Variants in UNC5C observed in about 807,000 individuals in gnomAD.
UNC5C encodes the protein netrin receptor UNC5C.
Under a neutral mutation model 99.8 loss-of-function variants are expected in UNC5C, and 47 were observed. That is an observed-to-expected ratio of 0.47 (90% CI 0.37 to 0.60). The LOEUF is 0.60. Among genes scored for constraint, UNC5C ranks in the 20% least tolerant of loss-of-function variants. UNC5C has a pLI of 0.00. For missense variants in UNC5C, 1,062 were observed against 1,165.9 expected, an observed-to-expected ratio of 0.91 and a Z score of 1.30; for synonymous variants, 487 against 452.2, an observed-to-expected ratio of 1.08 and a Z score of -0.98.
intron 1 of UNC5C, among the ~76,000 whole-genome samples, chr4:95,411,243 C>T (rs1465292171): frequency 2.6e-5 from 4 of 152,040 alleles, no homozygotes; most frequent in African/African-American, 4.8e-5. Context: ...CTGCCTGAAA[C>T]GTCTTTATTA....
intron 1 of UNC5C, among the ~76,000 whole-genome samples, chr4:95,435,942 T>C (rs998867977): frequency 6.6e-6 from 1 of 152,104 alleles, no homozygotes; most frequent in African/African-American, 2.4e-5. Context: ...TGATTTTTAT[T>C]TCCAATTTTG....
intron 1 of UNC5C, among the ~76,000 whole-genome samples, chr4:95,346,885 T>C (rs1743791592): frequency 6.6e-6 from 1 of 152,062 alleles, no homozygotes; most frequent in Admixed American, 6.6e-5. Context: ...TCATCACTGT[T>C]AGTCAACATA....
intron 14 of UNC5C, among the ~76,000 whole-genome samples, chr4:95,175,099 G>T (rs1221972971): frequency 1.3e-5 from 2 of 152,044 alleles, no homozygotes; most frequent in African/African-American, 2.4e-5. Flanking sequence ...TTGCTTGGTA[G>T]GTCTTCCTCC....
intron 7 of UNC5C, among the ~76,000 whole-genome samples, chr4:95,234,872 A>G (rs1739053243): frequency 6.6e-6 from 1 of 152,188 alleles, no homozygotes; most frequent in Non-Finnish European, 1.5e-5. Flanking sequence ...ATTGTTTAAG[A>G]CCACGATTAT....
intron 7 of UNC5C, 96 bp from the exon 8 acceptor site, chr4:95,220,272 T>C: frequency 8.9e-7 from 1 of 1,128,780 alleles, no homozygotes; most frequent in Non-Finnish European, 1.2e-6. Context: ...TTTACTGCCT[T>C]TTTTATAGGT....
chr4:95,174,026 C>T (rs1736232899), intron 14 of UNC5C, among the ~76,000 whole-genome samples: 2 of 152,254 alleles, frequency 1.3e-5, no homozygotes, highest in South Asian at 4.2e-4. Context: ...AGTTTATTTG[C>T]ATAGAGGTGT....
intron 4 of UNC5C, among the ~76,000 whole-genome samples, chr4:95,255,873 G>C (rs1739960607): frequency 6.6e-6 from 1 of 151,920 alleles, no homozygotes; most frequent in African/African-American, 2.4e-5. Context: ...TGGAATAGTT[G>C]TTTACATTTG....
In UNC5C at chr4:95,345,808, G is replaced by A. The variant is rs111582838; in HGVS notation, c.125-10177C>T. Among the ~76,000 whole-genome samples, 209 of 151,952 alleles carry A rather than the reference G, an allele frequency of 1.4e-3. 1 individual carries two copies. Among genetic ancestry groups the A allele is most frequent in the African/African-American group, 4.8e-3 (199 of 41,540 alleles). ...AATTTAAAAATTTATTGAAACAAAT[G>A]ATAATGGAAACACAACATACCAAAA... is the stretch of plus-strand genomic sequence containing the variant. On this transcript the variant is annotated intron_variant, in intron 1 of 15. Transcript: ENST00000453304.
chr4:95,201,502 C>A (rs1737654440), intron 12 of UNC5C, among the ~76,000 whole-genome samples: 1 of 152,146 alleles, frequency 6.6e-6, no homozygotes, highest in Non-Finnish European at 1.5e-5. Context: ...TCCATTAACT[C>A]AAGAACTGAA....
At chr4:95,224,734 C>T (rs149113056) in intron 7 of UNC5C, among the ~76,000 whole-genome samples, 4 of 151,564 alleles carry the variant, frequency 2.6e-5, no homozygotes, top group African/African-American at 9.7e-5. Flanking sequence ...AGAAAATAAG[C>T]AAGTAAACAA....
At chr4:95,394,133 T>C (rs1417959981) in intron 1 of UNC5C, among the ~76,000 whole-genome samples, 2 of 152,186 alleles carry the variant, frequency 1.3e-5, no homozygotes, top group Admixed American at 1.3e-4. Flanking sequence ...ATAAATCTAC[T>C]CTTTTCTGCA....
intron 1 of UNC5C, among the ~76,000 whole-genome samples, chr4:95,546,366 A>G (rs1279575004): frequency 1.3e-5 from 2 of 152,228 alleles, no homozygotes; most frequent in Non-Finnish European, 2.9e-5. Context: ...GGCTCAAGAT[A>G]AACAGGCTGG....
chr4:95,334,994 C>A (rs1163798282), intron 2 of UNC5C, among the ~76,000 whole-genome samples: 1 of 151,944 alleles, frequency 6.6e-6, no homozygotes, highest in Non-Finnish European at 1.5e-5. Context: ...AAACTATGCA[C>A]ATGGATTAAC....
intron 1 of UNC5C, among the ~76,000 whole-genome samples, chr4:95,525,596 TAAA>T (rs574532435): frequency 0.3 from 30,926 of 102,122 alleles, 4,535 homozygotes; most frequent in Non-Finnish European, 0.36. Flanking sequence ...GCCTATTTCT[TAAA>T]AAAAAAAAAA....
At chr4:95,375,445 T>G (rs763062163) in intron 1 of UNC5C, among the ~76,000 whole-genome samples, 3 of 152,134 alleles carry the variant, frequency 2.0e-5, no homozygotes, top group Non-Finnish European at 4.4e-5. Flanking sequence ...AGTATTCCTT[T>G]TACAATGAAG....
intron 4 of UNC5C, among the ~76,000 whole-genome samples, chr4:95,260,751 G>A (rs1313878374): frequency 1.3e-5 from 2 of 152,142 alleles, no homozygotes; most frequent in African/African-American, 2.4e-5. Flanking sequence ...AGCAGAGAGA[G>A]TTCAAAAGAA....
At chr4:95,339,099 C>T (rs886651760) in intron 1 of UNC5C, among the ~76,000 whole-genome samples, 5 of 152,012 alleles carry the variant, frequency 3.3e-5, no homozygotes, top group Non-Finnish European at 5.9e-5. Context: ...CATTTTGGAA[C>T]TTAGTTTGTT....
At chr4:95,332,815 C>G (rs1411597521) in intron 2 of UNC5C, among the ~76,000 whole-genome samples, 1 of 151,770 alleles carries the variant, frequency 6.6e-6, no homozygotes, top group African/African-American at 2.4e-5. Flanking sequence ...TTTTCACAAC[C>G]TACTCATCTG....
chr4:95,241,307 T>C (rs1299139128), intron 7 of UNC5C, among the ~76,000 whole-genome samples: 2 of 152,354 alleles, frequency 1.3e-5, no homozygotes, highest in Non-Finnish European at 2.9e-5. Context: ...TCTTGGGGAA[T>C]GCAGTGTACC....
Sources: allele counts gnomAD v4.1 joint callset (sites outside exome capture counted in the v4.1 genomes callset), GRCh38; gene constraint gnomAD v4.1.1; transcripts MANE v1.5; gene names NCBI Gene and HGNC (gene_info 2026-07-23, HGNC 2026-07-21).